Variants in LOC400499 observed in about 807,000 individuals in gnomAD.
chr16:11,385,233 A>T, the LOC400499 span: 3 of 1,232,118 alleles, frequency 2.4e-6, no homozygotes, highest in Middle Eastern at 3.1e-4. Context: ...GTAGAGGATG[A>T]GGGTCTTGTG....
the LOC400499 span, among the ~76,000 whole-genome samples, chr16:11,499,411 C>T: frequency 6.7e-6 from 1 of 148,832 alleles, no homozygotes; most frequent in African/African-American, 2.6e-5. Context: ...CAGGGCAGGT[C>T]TTGGGTGGTT....
At chr16:11,449,269 A>G in the LOC400499 span, among the ~76,000 whole-genome samples, 33 of 152,234 alleles carry the variant, frequency 2.2e-4, no homozygotes, top group Admixed American at 1.9e-3. Flanking sequence ...CAGGTAGGCT[A>G]GTTTTCTCTA....
the LOC400499 span, chr16:11,411,197 G>A: frequency 5.0e-5 from 20 of 399,262 alleles, no homozygotes; most frequent in Admixed American, 8.8e-4. Context: ...CCTGCCTCGG[G>A]CTGGGCATCT....
the LOC400499 span, chr16:11,502,000 C>T: frequency 4.0e-5 from 16 of 398,136 alleles, no homozygotes; most frequent in African/African-American, 3.3e-4. Flanking sequence ...GAACCCAGGA[C>T]AGCACGAAGA....
the LOC400499 span, chr16:11,461,150 G>C: frequency 6.6e-7 from 1 of 1,516,012 alleles, no homozygotes; most frequent in Non-Finnish European, 8.8e-7. Context: ...CAGATGAGAG[G>C]GTCAGCCCCC....
chr16:11,412,838 C>T, the LOC400499 span: 2 of 399,274 alleles, frequency 5.0e-6, no homozygotes, highest in Non-Finnish European at 8.8e-6. Flanking sequence ...GGGCCCCCCT[C>T]ACCTGACTGC....
At chr16:11,409,799 T>A in the LOC400499 span, among the ~76,000 whole-genome samples, 1 of 152,208 alleles carries the variant, frequency 6.6e-6, no homozygotes, top group African/African-American at 2.4e-5. Flanking sequence ...GAGTAAAAAG[T>A]TGATGTCTTC....
At chr16:11,469,549 C>T in the LOC400499 span, 51 of 398,934 alleles carry the variant, frequency 1.3e-4, no homozygotes, top group Non-Finnish European at 2.3e-4. Flanking sequence ...AAGCTTGAGC[C>T]GGAACTTGTT....
At chr16:11,518,595 G>A in the LOC400499 span, among the ~76,000 whole-genome samples, 4 of 152,202 alleles carry the variant, frequency 2.6e-5, no homozygotes, top group South Asian at 4.1e-4. Context: ...GCAGAACTAC[G>A]GGATGAGTTC....
At chr16:11,493,044 G>A in the LOC400499 span, among the ~76,000 whole-genome samples, 186 of 152,256 alleles carry the variant, frequency 1.2e-3, no homozygotes, top group South Asian at 5.6e-3. Flanking sequence ...GTTTGAGGAA[G>A]AACAGAAAGG....
At chr16:11,393,651 TG>T in the LOC400499 span, 4,573 of 1,098,522 alleles carry the variant, frequency 4.2e-3, 22 homozygotes, top group Non-Finnish European at 4.8e-3. Context: ...AGAGGCTGGC[TG>T]GGGAGGCTGC....
the LOC400499 span, among the ~76,000 whole-genome samples, chr16:11,519,609 A>G: frequency 0.085 from 12,893 of 151,992 alleles, 1,717 homozygotes; most frequent in African/African-American, 0.29. Flanking sequence ...TTTTTAAAGG[A>G]TGAAGTTCTG....
At chr16:11,456,546 C>T in the LOC400499 span, among the ~76,000 whole-genome samples, 7 of 152,210 alleles carry the variant, frequency 4.6e-5, no homozygotes, top group Admixed American at 1.3e-4. Context: ...TAAGAAGTTA[C>T]GATGTAATTA....
At chr16:11,414,181 T>G in the LOC400499 span, among the ~76,000 whole-genome samples, 1 of 152,252 alleles carries the variant, frequency 6.6e-6, no homozygotes, top group East Asian at 1.9e-4. Flanking sequence ...CAGACCTGGT[T>G]ATAGCGATTA....
chr16:11,488,551 C>G, the LOC400499 span, among the ~76,000 whole-genome samples: 1 of 152,136 alleles, frequency 6.6e-6, no homozygotes, highest in Non-Finnish European at 1.5e-5. Flanking sequence ...TCCCAAAGTG[C>G]TGGGATTACA....
At chr16:11,523,441 A>G in the LOC400499 span, 1 of 398,780 alleles carries the variant, frequency 2.5e-6, no homozygotes, top group Non-Finnish European at 4.4e-6. Flanking sequence ...GTCATGCAGG[A>G]GGCCACCTGC....
At chr16:11,468,028 G>T in the LOC400499 span, among the ~76,000 whole-genome samples, 1 of 152,184 alleles carries the variant, frequency 6.6e-6, no homozygotes, top group African/African-American at 2.4e-5. Flanking sequence ...GAGCTCTGGG[G>T]GCTTCTAGAA....
At chr16:11,491,399 A>G in the LOC400499 span, among the ~76,000 whole-genome samples, 34,889 of 151,992 alleles carry the variant, frequency 0.23, 4,106 homozygotes, top group East Asian at 0.31. Flanking sequence ...GCCAGAGCTA[A>G]AAGAGGCCTC....
At chr16:11,385,372 C>A in the LOC400499 span, 1 of 1,232,138 alleles carries the variant, frequency 8.1e-7, no homozygotes, top group Admixed American at 4.2e-5. Context: ...CATACCCGGC[C>A]GTCGAAGGTC....
Sources: gnomAD v4.1 joint callset for allele counts (sites outside exome capture counted in the v4.1 genomes callset) on GRCh38, gnomAD v4.1.1 for gene constraint, MANE v1.5 for transcripts.